POLR3E: variants seen among roughly 807,000 people sequenced by gnomAD.
POLR3E encodes the protein DNA-directed RNA polymerase III subunit RPC5.
POLR3E carries 41 observed loss-of-function variants against 96.6 expected under a neutral mutation model. The ratio of observed to expected loss-of-function variants is 0.42; its 90% confidence interval spans 0.33 to 0.55. The LOEUF is 0.55. Among genes scored for constraint, POLR3E ranks in the 20% least tolerant of loss-of-function variants. The pLI, the probability that POLR3E is intolerant of heterozygous loss-of-function variation, is 0.06. For synonymous variants in POLR3E, 396 were observed against 383.6 expected (o/e 1.03, Z -0.38); for missense variants, 849 against 952.1 (o/e 0.89, Z 1.43).
chr16:22,312,597 T>C (rs2141759523), intron 6 of POLR3E, among the ~76,000 whole-genome samples: 1 of 152,278 alleles, frequency 6.6e-6, no homozygotes, highest in East Asian at 1.9e-4. Context: ...CCGGGCGCAG[T>C]GGCTCATACC....
In POLR3E at chr16:22,306,710, C is replaced by T. The variant is rs370177960; in HGVS notation, c.88-1438C>T. Reference sequence around the variant, plus strand: ...TTCACATAGAAGTTTTTATGATGAACGTGAATTCTCATTTCTTCTAGGTAT... The same window carrying T: ...TTCACATAGAAGTTTTTATGATGAATGTGAATTCTCATTTCTTCTAGGTAT... On this transcript the variant is annotated intron_variant, in intron 3 of 20. Coordinates refer to ENST00000299853, the MANE Select transcript of POLR3E (RefSeq NM_018119.4). Among the ~76,000 whole-genome samples the T allele has an allele frequency of 1.7e-4, 26 of 152,304 alleles. No individual in the cohort carries two copies. The East Asian group carries it at 3.5e-3, about 20-fold the overall frequency.
rs2048417772 is a variant in POLR3E at position 22,319,042 on chromosome 16, T to C, written c.986+96T>C. On this transcript the variant is annotated intron_variant, in intron 13 of 20. Coordinates refer to ENST00000299853, the MANE Select transcript of POLR3E (RefSeq NM_018119.4). ...CAGGCTGGTGTGTAGTGGCGCAATC[T>C]CGGCTCACTGTAACTTCTCCCTCCC... 6 of 870,566 alleles carry C rather than the reference T, an allele frequency of 6.9e-6. No individual in the cohort carries two copies. In the South Asian group the frequency reaches 1.1e-4, roughly 16 times the overall value. The allele number at this position is 870,566 out of a possible 1,614,324, so 53.9% of individuals were successfully genotyped here. A position where few individuals can be genotyped will look rare whatever the true frequency, so the allele number is the denominator to read the frequency against.
intron 13 of POLR3E, among the ~76,000 whole-genome samples, chr16:22,321,792 G>A (rs560131270): frequency 1.3e-5 from 2 of 152,344 alleles, no homozygotes; most frequent in South Asian, 2.1e-4. Context: ...GGGGACTGTG[G>A]GCATTTCACC....
intron 16 of POLR3E, 63 bp downstream of exon 16, chr16:22,324,723 C>T (rs1172918662): frequency 5.8e-6 from 9 of 1,546,302 alleles, no homozygotes; most frequent in Admixed American, 1.7e-5. Flanking sequence ...TCCTGGGGAG[C>T]ACTGTCAGGG....
chr16:22,326,974 C>T (rs1366024528), intron 18 of POLR3E: 2 of 153,084 alleles, frequency 1.3e-5, no homozygotes, highest in South Asian at 2.1e-4. Context: ...GCTTTTCTGT[C>T]ACTGGGAGGG....
intron 3 of POLR3E, among the ~76,000 whole-genome samples, chr16:22,307,896 G>A (rs1168042740): frequency 6.6e-6 from 1 of 152,100 alleles, no homozygotes; most frequent in Non-Finnish European, 1.5e-5. Context: ...GTGTAGACAC[G>A]TCCCTCGGAA....
intron 14 of POLR3E, among the ~76,000 whole-genome samples, chr16:22,323,401 G>A (rs1223115341): frequency 6.6e-6 from 1 of 151,946 alleles, no homozygotes; most frequent in Non-Finnish European, 1.5e-5. Context: ...TCCTGAGCTG[G>A]TGTCTCCCTT....
chr16:22,317,065 C>T (rs1185584243), intron 11 of POLR3E, 26 bp downstream of exon 11: 4 of 1,613,950 alleles, frequency 2.5e-6, no homozygotes, highest in Non-Finnish European at 2.5e-6. Context: ...AGGACACCCT[C>T]TCCCTTTCCG....
intron 16 of POLR3E, 117 bp downstream of exon 16, chr16:22,324,777 C>A: frequency 8.6e-7 from 1 of 1,158,776 alleles, no homozygotes; most frequent in Non-Finnish European, 1.3e-6. Flanking sequence ...GGGGAGAGCG[C>A]AGTTGGGCTG....
intron 10 of POLR3E, 87 bp downstream of exon 10, chr16:22,316,773 G>C: frequency 8.8e-7 from 1 of 1,134,112 alleles, no homozygotes; most frequent in Middle Eastern, 2.0e-4. Flanking sequence ...GAGGACTGTG[G>C]CCCCTCCTGT....
At chr16:22,328,771 T>C (rs2048667210) in intron 19 of POLR3E, 184 bp downstream of exon 19, 3 of 586,260 alleles carry the variant, frequency 5.1e-6, no homozygotes, top group Non-Finnish European at 6.2e-6. Flanking sequence ...GCCAATAGTT[T>C]GAACCTAAAC....
chr16:22,325,469 C>T lies in POLR3E; in HGVS notation c.1348+203C>T, dbSNP rs1280175918. On this transcript the variant is annotated intron_variant, in intron 17 of 20. Coordinates refer to ENST00000299853, the MANE Select transcript of POLR3E (RefSeq NM_018119.4). ...GCAGAGCCTCAGGGACGGAGGCTTG[C>T]GGATTCCAGGGCTGAGTCTGGGTTC... 2.9e-5 allele frequency: 18 copies of T among 617,214 alleles called. No homozygotes were observed. The Admixed American group carries it at 4.1e-4, about 14-fold the overall frequency. 38.2% of individuals were successfully genotyped at this position (617,214 alleles called of 1,614,324 possible). A position where few individuals can be genotyped will look rare whatever the true frequency, so the allele number is the denominator to read the frequency against.
intron 19 of POLR3E, 67 bp from the exon 20 acceptor site, chr16:22,331,993 T>C: frequency 6.5e-7 from 1 of 1,540,966 alleles, no homozygotes. Flanking sequence ...GGCTTGGGTG[T>C]CTTGTTTGGG....
At chr16:22,333,139 C>G (rs2048778085) in intron 20 of POLR3E, among the ~76,000 whole-genome samples, 1 of 149,460 alleles carries the variant, frequency 6.7e-6, no homozygotes, top group African/African-American at 2.4e-5. Context: ...CATGCCTGGC[C>G]CACCCTCACT....
At chr16:22,332,533 G>C (rs886836964) in intron 20 of POLR3E, among the ~76,000 whole-genome samples, 5 of 152,026 alleles carry the variant, frequency 3.3e-5, no homozygotes, top group Non-Finnish European at 5.9e-5. Flanking sequence ...AAAAACCATG[G>C]CTTCAGGCTG....
chr16:22,314,399 G>A (rs569265890), intron 8 of POLR3E, among the ~76,000 whole-genome samples: 1 of 152,332 alleles, frequency 6.6e-6, no homozygotes, highest in African/African-American at 2.4e-5. Context: ...AGGACCCGCA[G>A]ACCAGCTCTG....
rs890112656 is a variant in POLR3E at position 22,314,517 on chromosome 16, A to G, written c.522+389A>G. 2.0e-5 allele frequency among the ~76,000 whole-genome samples: 3 copies of G among 152,206 alleles called. No individual in the cohort carries two copies. In the South Asian group the frequency reaches 6.2e-4, roughly 31 times the overall value. Reference sequence around the variant, plus strand: ...TTTTAATAGTTATTCCTGAATTTTAAAGATTTTTCAAAGAATCTTAACCTT... The same window carrying G: ...TTTTAATAGTTATTCCTGAATTTTAGAGATTTTTCAAAGAATCTTAACCTT... On this transcript the variant is annotated intron_variant, in intron 8 of 20. Coordinates refer to ENST00000299853, the MANE Select transcript of POLR3E (RefSeq NM_018119.4).
rs2048538720 is a variant in POLR3E, at chr16:22,324,564, G to A, written c.1190G>A (p.Gly397Asp). 3.7e-6 allele frequency: 6 copies of A among 1,613,334 alleles called. No homozygotes were observed. Among genetic ancestry groups the A allele is most frequent in the Non-Finnish European group, 5.1e-6 (6 of 1,179,742 alleles). The change falls in exon 16 of 21, where the codon GGC becomes GAC. Residue 397 changes from glycine to aspartate, a missense_variant. Gly to Asp is a moderately conservative substitution (Grantham distance 94). Coordinates refer to ENST00000299853, the MANE Select transcript of POLR3E (RefSeq NM_018119.4). ...EHMAVVRINK[G>D]WEFILPYDGE... ...ATGGCCGTGGTGAGGATCAACAAAG[G>A]CTGGGAGTTCATTCTGCCTTATGAT...
At chr16:22,305,421 C>A (rs757378430) in intron 3 of POLR3E, 1 of 695,038 alleles carries the variant, frequency 1.4e-6, no homozygotes, top group South Asian at 1.5e-5. Context: ...AAGTGTGCAG[C>A]AGTTAAAGCT....
Sources: gnomAD v4.1 joint callset for allele counts (sites outside exome capture counted in the v4.1 genomes callset) on GRCh38, gnomAD v4.1.1 for gene constraint, MANE v1.5 for transcripts, NCBI Gene and HGNC (gene_info 2026-07-23, HGNC 2026-07-21) for gene names.